The following LUZP2 variants were observed in gnomAD, a reference collection of about 807,000 sequenced individuals.
The protein encoded by LUZP2 is leucine zipper protein 2.
In LUZP2, 52 loss-of-function variants were observed where a neutral mutation model predicts 51.6. The ratio of observed to expected loss-of-function variants is 1.01; its 90% CI spans 0.81 to 1.27. LUZP2 has a LOEUF of 1.27. LUZP2 is among the 50% of genes most tolerant of loss of function. LUZP2 has a pLI of 0.00. For synonymous variants in LUZP2, 154 were observed against 137.3 expected, an observed-to-expected ratio of 1.12 and a Z score of -0.85; for missense variants, 436 against 395.4, an observed-to-expected ratio of 1.10 and a Z score of -0.87.
intron 1 of LUZP2, among the ~76,000 whole-genome samples, chr11:24,609,344 T>C (rs1311978280): frequency 6.6e-6 from 1 of 152,162 alleles, no homozygotes; most frequent in Non-Finnish European, 1.5e-5. Flanking sequence ...TCTGAAACTC[T>C]CCACAGTTGT....
chr11:24,835,454 C>T (rs995889035), intron 5 of LUZP2, among the ~76,000 whole-genome samples: 3 of 152,082 alleles, frequency 2.0e-5, no homozygotes. Flanking sequence ...CCAAAATTGA[C>T]AAATTGGGTC....
In LUZP2 at chr11:24,497,319, C is replaced by G. The variant is rs1012112463; in HGVS notation, c.62+14C>G. On this transcript the variant is annotated intron_variant, in intron 1 of 11. Coordinates refer to ENST00000336930, the MANE Select transcript of LUZP2 (RefSeq NM_001009909.4). Reference sequence around the variant, plus strand: ...CCTCAGCACCAGGTGAGTCCAGGAGCGTGAGTGACCTGAGGCCAGGGGCGC... The same window carrying G: ...CCTCAGCACCAGGTGAGTCCAGGAGGGTGAGTGACCTGAGGCCAGGGGCGC... 7.9e-6 allele frequency: 12 copies of G among 1,516,854 alleles called. No homozygotes were observed. The Admixed American group carries it at 1.4e-4, about 17-fold the overall frequency. The allele number at this position is 1,516,854 out of a possible 1,614,324, so 94.0% of individuals were successfully genotyped here. A position where few individuals can be genotyped will look rare whatever the true frequency, so the allele number is the denominator to read the frequency against.
At chr11:24,646,665 C>T in intron 1 of LUZP2, 1 of 864,918 alleles carries the variant, frequency 1.2e-6, no homozygotes, top group Non-Finnish European at 1.4e-6. Flanking sequence ...AAATTATTTC[C>T]CACAACTCCC....
At chr11:24,520,250 G>T (rs1246237905) in intron 1 of LUZP2, among the ~76,000 whole-genome samples, 1 of 152,098 alleles carries the variant, frequency 6.6e-6, no homozygotes, top group Non-Finnish European at 1.5e-5. Context: ...TACAAAAAAA[G>T]GTTAATATCT....
intron 5 of LUZP2, among the ~76,000 whole-genome samples, chr11:24,801,912 AT>A (rs60968740): frequency 0.02 from 3,019 of 150,482 alleles, 107 homozygotes; most frequent in African/African-American, 0.069. Context: ...AATATCCCCA[AT>A]TTTTTTTTAA....
At chr11:24,884,997 G>A (rs965817326) in intron 5 of LUZP2, among the ~76,000 whole-genome samples, 4 of 152,026 alleles carry the variant, frequency 2.6e-5, no homozygotes, top group African/African-American at 9.7e-5. Flanking sequence ...TGATAAGGGA[G>A]GGGAATTATT....
At chr11:24,764,111 T>TA (rs1219731890) in intron 5 of LUZP2, among the ~76,000 whole-genome samples, 2 of 152,150 alleles carry the variant, frequency 1.3e-5, no homozygotes, top group Non-Finnish European at 2.9e-5. Context: ...AATGCTCACA[T>TA]ACGATTTAAA....
intron 1 of LUZP2, among the ~76,000 whole-genome samples, chr11:24,719,009 T>C (rs937749020): frequency 2.0e-5 from 3 of 152,142 alleles, no homozygotes; most frequent in Admixed American, 6.5e-5. Flanking sequence ...ACAGGGTATA[T>C]AAGAGGAAAT....
intron 7 of LUZP2, among the ~76,000 whole-genome samples, chr11:24,926,509 G>GTA (rs1271313169): frequency 7.2e-6 from 1 of 138,028 alleles, no homozygotes; most frequent in African/African-American, 2.8e-5. Context: ...ATATGTGTGT[G>GTA]TATATACGTG....
At chr11:24,724,703 CTG>C (rs1342896314) in intron 1 of LUZP2, among the ~76,000 whole-genome samples, 1 of 152,082 alleles carries the variant, frequency 6.6e-6, no homozygotes, top group Admixed American at 6.6e-5. Context: ...AGAAATAAAA[CTG>C]TAGCTATTAG....
intron 7 of LUZP2, among the ~76,000 whole-genome samples, chr11:24,969,274 T>C (rs1855678530): frequency 6.6e-6 from 1 of 152,156 alleles, no homozygotes; most frequent in African/African-American, 2.4e-5. Flanking sequence ...TGGTTTTCTG[T>C]TCCTGTGTTA....
intron 1 of LUZP2, among the ~76,000 whole-genome samples, chr11:24,686,705 T>C (rs1856906720): frequency 6.6e-6 from 1 of 152,198 alleles, no homozygotes; most frequent in South Asian, 2.1e-4. Flanking sequence ...CTGTTGGCAG[T>C]AGAAATTGTC....
intron 1 of LUZP2, among the ~76,000 whole-genome samples, chr11:24,617,594 G>A (rs1854331651): frequency 6.6e-6 from 1 of 152,174 alleles, no homozygotes; most frequent in Admixed American, 6.6e-5. Context: ...GCCAAGGTGG[G>A]CAGATTGCCT....
chr11:24,699,660 T>TATATACACACACAC (rs1857361840), intron 1 of LUZP2, among the ~76,000 whole-genome samples: 1 of 147,540 alleles, frequency 6.8e-6, no homozygotes, highest in African/African-American at 2.5e-5. Context: ...TGGCCATATA[T>TATATACACACACAC]ATATATACAC....
intron 7 of LUZP2, among the ~76,000 whole-genome samples, chr11:24,973,139 T>C (rs1855794294): frequency 6.6e-6 from 1 of 151,104 alleles, no homozygotes; most frequent in East Asian, 1.9e-4. Flanking sequence ...GGACTATTTA[T>C]GGATTCAGTT....
At chr11:24,903,379 C>T (rs1165015528) in intron 5 of LUZP2, among the ~76,000 whole-genome samples, 2 of 152,040 alleles carry the variant, frequency 1.3e-5, no homozygotes, top group African/African-American at 2.4e-5. Context: ...TTTAGATTTC[C>T]AAATTTTAGC....
At position 24,824,382 on chromosome 11, in the gene LUZP2, A is replaced by AT. The variant is rs59861586; in HGVS notation, c.396+61074_396+61075insT. On this transcript the variant is annotated intron_variant, in intron 5 of 11. Coordinates refer to ENST00000336930, the MANE Select transcript of LUZP2 (RefSeq NM_001009909.4). ...ACCCCATCTCAAAAAAAAAAAAAAAAAAAAAAAAAAATGAGTGGTACCATT... is the reference window on the plus strand; with the variant it reads ...ACCCCATCTCAAAAAAAAAAAAAAAATAAAAAAAAAAATGAGTGGTACCATT... Among the ~76,000 whole-genome samples the AT allele has an allele frequency of 1.3e-3, 187 of 147,588 alleles. 9 individuals carry two copies. The highest frequency in any genetic ancestry group is 4.4e-3 in the African/African-American group (178 of 40,354).
intron 1 of LUZP2, among the ~76,000 whole-genome samples, chr11:24,535,067 A>G (rs1851133798): frequency 6.6e-6 from 1 of 151,314 alleles, no homozygotes; most frequent in South Asian, 2.1e-4. Context: ...ATGCTCTACT[A>G]TAGTCTATTA....
intron 5 of LUZP2, among the ~76,000 whole-genome samples, chr11:24,838,622 ATTTTAAG>A (rs1850931049): frequency 6.6e-6 from 1 of 151,684 alleles, no homozygotes; most frequent in Non-Finnish European, 1.5e-5. Flanking sequence ...GTGTCTAATA[ATTTTAAG>A]TTTTATTTGG....
Sources: gnomAD v4.1 joint callset for allele counts (sites outside exome capture counted in the v4.1 genomes callset) on GRCh38, gnomAD v4.1.1 for gene constraint, MANE v1.5 for transcripts, NCBI Gene and HGNC (gene_info 2026-07-23, HGNC 2026-07-21) for gene names.